The following CLCA2 variants were observed in gnomAD, a reference collection of about 807,000 sequenced individuals.
CLCA2 encodes the protein chloride channel accessory 2.
Under a neutral mutation model 82.9 loss-of-function variants are expected in CLCA2, and 85 were observed. The ratio of observed to expected loss-of-function variants is 1.03; its 90% CI spans 0.86 to 1.23. The LOEUF (loss-of-function observed/expected upper bound fraction) is 1.23, where lower values mean the gene tolerates loss of function less well. Ranked by LOEUF, CLCA2 falls within the 50% of genes most tolerant of loss-of-function variation. CLCA2 has a pLI of 0.00. For missense variants in CLCA2, 1,089 were observed against 1,124.8 expected (o/e 0.97, Z 0.45); for synonymous variants, 421 against 391.7 (o/e 1.07, Z -0.88).
Position 86,424,184 on chromosome 1 carries a change from T to C in CLCA2, c.-64T>C, listed in dbSNP as rs143155996. On this transcript the variant is annotated 5_prime_UTR_variant, in exon 1 of 14. Coordinates refer to ENST00000370565, the MANE Select transcript of CLCA2 (RefSeq NM_006536.7). ...CAGGAAGAAACCATCTGCATCCATA[T>C]TGAAAACCTGACACAATGTATGCAG... 4.4e-4 allele frequency: 647 copies of C among 1,475,448 alleles called. 2 individuals carry two copies. The African/African-American group carries it at 7.2e-3, about 16-fold the overall frequency. 91.4% of individuals were successfully genotyped at this position (1,475,448 alleles called of 1,614,324 possible).
intron 5 of CLCA2, among the ~76,000 whole-genome samples, chr1:86,433,628 C>G (rs764389534): frequency 5.9e-5 from 9 of 152,178 alleles, no homozygotes; most frequent in Non-Finnish European, 1.2e-4. Context: ...ATCCCATAAC[C>G]ATAGTCATGA....
intron 11 of CLCA2, among the ~76,000 whole-genome samples, chr1:86,449,102 A>G (rs1662913960): frequency 6.6e-6 from 1 of 152,270 alleles, no homozygotes; most frequent in African/African-American, 2.4e-5. Flanking sequence ...TCCAATCAAT[A>G]CTTAACACGC....
intron 5 of CLCA2, among the ~76,000 whole-genome samples, chr1:86,433,843 C>T (rs918774284): frequency 1.3e-5 from 2 of 152,104 alleles, no homozygotes; most frequent in Admixed American, 1.3e-4. Context: ...TGGGAAGTAT[C>T]GACTCTTTGT....
rs752431432 is a variant in CLCA2 at position 86,441,529 on chromosome 1, C to T, written c.1474C>T (p.Gln492Ter). Residue 492 changes from glutamine to a stop codon, truncating the protein, a stop_gained, in exon 9 of 14, where the codon CAG becomes TAG. Coordinates refer to ENST00000370565, the MANE Select transcript of CLCA2 (RefSeq NM_006536.7). LOFTEE classifies it high-confidence loss of function. ...RISSGTGDIF[Q>*]QHIQLESTGE... ...TTCCTCTGGAACTGGAGACATTTTCCAGCAACATATTCAGGTCAGAATTTT... is the reference window on the plus strand; with the variant it reads ...TTCCTCTGGAACTGGAGACATTTTCTAGCAACATATTCAGGTCAGAATTTT... 1 of 1,608,934 alleles carries T rather than the reference C, an allele frequency of 6.2e-7. No homozygotes were observed. The highest frequency in any genetic ancestry group is 1.1e-5 in the South Asian group (1 of 90,920).
intron 10 of CLCA2, among the ~76,000 whole-genome samples, chr1:86,444,494 G>T (rs1329368724): frequency 6.6e-6 from 1 of 152,160 alleles, no homozygotes; most frequent in Non-Finnish European, 1.5e-5. Context: ...AAGGAAGAAT[G>T]CTTCCTGGAA....
chr1:86,449,300 G>T (rs1662916338), intron 11 of CLCA2, among the ~76,000 whole-genome samples: 1 of 152,178 alleles, frequency 6.6e-6, no homozygotes, highest in Non-Finnish European at 1.5e-5. Context: ...TGAGAAAACT[G>T]AGGCTCAGAG....
rs1268499762 is a variant in CLCA2 at position 86,455,646 on chromosome 1, C to G, written c.*119C>G. 9.9e-6 allele frequency: 6 copies of G among 607,840 alleles called. No individual in the cohort carries two copies. The highest frequency in any genetic ancestry group is 1.3e-5 in the Non-Finnish European group (5 of 398,040). The allele number at this position is 607,840 out of a possible 1,614,324, so 37.7% of individuals were successfully genotyped here. A position where few individuals can be genotyped will look rare whatever the true frequency, so the allele number is the denominator to read the frequency against. On this transcript the variant is annotated 3_prime_UTR_variant, in exon 14 of 14. Transcript: ENST00000370565. ...TATTAAAATGCATTGAGTTTTTGTA[C>G]AATACAGATAAGATTTTTACATGGT...
At chr1:86,439,971 C>T (rs1402857134) in intron 7 of CLCA2, among the ~76,000 whole-genome samples, 177 bp from the exon 8 acceptor site, 1 of 152,074 alleles carries the variant, frequency 6.6e-6, no homozygotes, top group African/African-American at 2.4e-5. Flanking sequence ...TGCTCACAAG[C>T]AAACTGGCAG....
At chr1:86,451,141 G>A (rs1334138) in intron 12 of CLCA2, among the ~76,000 whole-genome samples, 71,948 of 151,992 alleles carry the variant, frequency 0.47, 17,352 homozygotes, top group Middle Eastern at 0.56. Context: ...AGTCCACACA[G>A]GAAATGAGTT....
At chr1:86,450,967 T>A (rs1662951617) in intron 12 of CLCA2, among the ~76,000 whole-genome samples, 1 of 152,180 alleles carries the variant, frequency 6.6e-6, no homozygotes, top group African/African-American at 2.4e-5. Context: ...TTCATTTTAG[T>A]CATTATGTTG....
intron 5 of CLCA2, 108 bp from the exon 6 acceptor site, chr1:86,434,410 C>G: frequency 1.2e-6 from 1 of 856,816 alleles, no homozygotes. Context: ...CTTTTGATTT[C>G]TTTTCTTTCA....
intron 3 of CLCA2, among the ~76,000 whole-genome samples, chr1:86,430,571 T>A (rs1200955970): frequency 1.3e-5 from 2 of 152,084 alleles, no homozygotes; most frequent in Non-Finnish European, 2.9e-5. Flanking sequence ...ACTGGGGAGA[T>A]GAGAGGATGT....
At chr1:86,452,725 C>A (rs183467774) in intron 12 of CLCA2, among the ~76,000 whole-genome samples, 2 of 152,282 alleles carry the variant, frequency 1.3e-5, no homozygotes, top group East Asian at 3.9e-4. Flanking sequence ...AAATTACTGA[C>A]CCACATTATT....
In CLCA2 at chr1:86,455,285, G is replaced by T. The variant is rs767745682; in HGVS notation, c.2590G>T (p.Val864Phe). The change falls in exon 14 of 14, where the codon GTT (valine) becomes TTT (phenylalanine). Residue 864 changes from valine to phenylalanine, a missense_variant. Transcript: ENST00000370565. Reference protein sequence around the residue: ...GETHESHRIYVAIRAMDRNSL... With the variant: ...GETHESHRIYFAIRAMDRNSL... ...AACACATGAAAGCCACAGAATTTAT[G>T]TTGCAATACGAGCAATGGATAGGAA... 6.2e-7 allele frequency: 1 copy of T among 1,614,144 alleles called. No homozygotes were observed. The highest frequency in any genetic ancestry group is 8.5e-7 in the Non-Finnish European group (1 of 1,180,014).
At chr1:86,428,638 A>T in intron 3 of CLCA2, 70 bp downstream of exon 3, 1 of 1,534,036 alleles carries the variant, frequency 6.5e-7, no homozygotes. Flanking sequence ...TGGTGCTGAA[A>T]GGGACTCACT....
At chr1:86,446,045 C>T (rs150166137) in intron 10 of CLCA2, among the ~76,000 whole-genome samples, 5 of 152,116 alleles carry the variant, frequency 3.3e-5, no homozygotes, top group African/African-American at 9.6e-5. Context: ...GACCCATGGA[C>T]TCCCCCTGCT....
intron 10 of CLCA2, among the ~76,000 whole-genome samples, chr1:86,446,189 T>C (rs1662849705): frequency 6.6e-6 from 1 of 150,516 alleles, no homozygotes; most frequent in African/African-American, 2.4e-5. Flanking sequence ...TTGTCTTCTC[T>C]GCTTCTGTAG....
In CLCA2 at chr1:86,434,241, G is replaced by GTA. The variant is rs535784291; in HGVS notation, c.745-268_745-267dup. On this transcript the variant is annotated intron_variant, in intron 5 of 13. Transcript: ENST00000370565. ...GTTTTGTTTTTAAGAGTAAGATTATGTATATATATACACATACATGGTTTG... is the reference window on the plus strand; with the variant it reads ...GTTTTGTTTTTAAGAGTAAGATTATGTATATATATATACACATACATGGTTTG... Among the ~76,000 whole-genome samples, 285 of 146,246 alleles carry GTA rather than the reference G, an allele frequency of 1.9e-3. 1 individual carries two copies. Among genetic ancestry groups the GTA allele is most frequent in the African/African-American group, 3.7e-3 (149 of 40,178 alleles).
At position 86,455,709 on chromosome 1, in the gene CLCA2, C is replaced by A. The variant is rs1005415653; in HGVS notation, c.*182C>A. On this transcript the variant is annotated 3_prime_UTR_variant, in exon 14 of 14. Transcript: ENST00000370565. ...TCTTTTTGGGGGTAGATTAGAAAAC[C>A]CTTACACTTTGGCTATGAACAAATA... is the stretch of plus-strand genomic sequence containing the variant. 7.9e-6 allele frequency: 3 copies of A among 378,666 alleles called. No individual in the cohort carries two copies. The highest frequency in any genetic ancestry group is 3.9e-5 in the East Asian group (1 of 25,438). 23.5% of individuals were successfully genotyped at this position (378,666 alleles called of 1,614,324 possible). A position where few individuals can be genotyped will look rare whatever the true frequency, so the allele number is the denominator to read the frequency against.
Sources: allele counts gnomAD v4.1 joint callset (sites outside exome capture counted in the v4.1 genomes callset), GRCh38; gene constraint gnomAD v4.1.1; transcripts MANE v1.5; gene names NCBI Gene and HGNC (gene_info 2026-07-23, HGNC 2026-07-21).